Variants in SLC25A12 observed in about 807,000 individuals in gnomAD.
SLC25A12 encodes solute carrier family 25 member 12.
A neutral mutation model predicts 83.3 loss-of-function variants in SLC25A12; 32 were observed. That is an observed-to-expected ratio of 0.38 (90% CI 0.29 to 0.52). The LOEUF is 0.52. Among genes scored for constraint, SLC25A12 ranks in the 20% least tolerant of loss-of-function variants. The pLI, the probability that SLC25A12 is intolerant of heterozygous loss-of-function variation, is 0.84. For synonymous variants in SLC25A12, 267 were observed against 291.1 expected, an observed-to-expected ratio of 0.92 and a Z score of 0.84; for missense variants, 611 against 835.6, an observed-to-expected ratio of 0.73 and a Z score of 3.31.
Position 171,787,884 on chromosome 2 carries a change from G to A in SLC25A12, c.1649C>T (p.Ala550Val). The A allele has an allele frequency of 6.2e-7, 1 of 1,614,204 alleles. No homozygotes were observed. ...DVIKTRLQVA[A>V]RAGQTTYSGV... ...ACTGTATGTCGTCTGGCCAGCGCGG[G>A]CAGCCACCTGCAGTCTTGTCTTGAT... Residue 550 changes from alanine to valine, a missense_variant, in exon 16 of 18, where the codon GCC (alanine) becomes GTC (valine). This residue lies in a region of SLC25A12 where 540 missense variants were observed against 777.5 expected (regional missense o/e 0.69). Coordinates refer to ENST00000422440, the MANE Select transcript of SLC25A12 (RefSeq NM_003705.5).
intron 3 of SLC25A12, among the ~76,000 whole-genome samples, chr2:171,865,159 C>A (rs776043002): frequency 6.6e-6 from 1 of 152,058 alleles, no homozygotes; most frequent in Non-Finnish European, 1.5e-5. Flanking sequence ...GCATAGCAGG[C>A]ACTCAATACC....
At chr2:171,808,371 T>A (rs1283459168) in intron 13 of SLC25A12, among the ~76,000 whole-genome samples, 1 of 151,222 alleles carries the variant, frequency 6.6e-6, no homozygotes, top group Non-Finnish European at 1.5e-5. Flanking sequence ...TAAGTAAATA[T>A]CTGAGTCTCT....
At chr2:171,879,773 T>G (rs918211184) in intron 2 of SLC25A12, among the ~76,000 whole-genome samples, 2 of 152,184 alleles carry the variant, frequency 1.3e-5, no homozygotes, top group African/African-American at 2.4e-5. Context: ...TGGAATGCCT[T>G]AATGTTGATA....
chr2:171,845,499 C>T (rs1421747020), intron 4 of SLC25A12, among the ~76,000 whole-genome samples: 4 of 152,096 alleles, frequency 2.6e-5, no homozygotes, highest in Non-Finnish European at 5.9e-5. Context: ...GTTTTGCCAT[C>T]GATAGCTATC....
chr2:171,818,294 A>G (rs1380569094), intron 9 of SLC25A12, among the ~76,000 whole-genome samples: 1 of 152,120 alleles, frequency 6.6e-6, no homozygotes, highest in African/African-American at 2.4e-5. Context: ...CCTTAAGGTT[A>G]TGATTATGGT....
At chr2:171,844,788 C>T (rs1478478073) in intron 4 of SLC25A12, among the ~76,000 whole-genome samples, 1 of 152,126 alleles carries the variant, frequency 6.6e-6, no homozygotes, top group African/African-American at 2.4e-5. Flanking sequence ...TGATTTCTAT[C>T]TTACATCATA....
At chr2:171,812,503 C>T (rs1482372597) in intron 11 of SLC25A12, among the ~76,000 whole-genome samples, 1 of 152,028 alleles carries the variant, frequency 6.6e-6, no homozygotes, top group Admixed American at 6.6e-5. Context: ...TCCCAAGTGG[C>T]GCCCAAAGAG....
intron 13 of SLC25A12, among the ~76,000 whole-genome samples, chr2:171,799,110 G>A (rs1439093002): frequency 6.6e-6 from 1 of 152,154 alleles, no homozygotes; most frequent in Admixed American, 6.5e-5. Flanking sequence ...TGGAAGCAGA[G>A]AGCAAGCCCT....
At chr2:171,824,994 A>G (rs1420787032) in intron 9 of SLC25A12, among the ~76,000 whole-genome samples, 1 of 151,638 alleles carries the variant, frequency 6.6e-6, no homozygotes, top group Non-Finnish European at 1.5e-5. Context: ...TTTTTTGTAG[A>G]GATGGGGTTT....
At chr2:171,789,780 A>C (rs944334359) in intron 15 of SLC25A12, among the ~76,000 whole-genome samples, 1 of 151,970 alleles carries the variant, frequency 6.6e-6, no homozygotes, top group Admixed American at 6.6e-5. Flanking sequence ...TGTAGTCCCA[A>C]CTACTTGGGA....
At chr2:171,803,836 C>T (rs964656905) in intron 13 of SLC25A12, among the ~76,000 whole-genome samples, 11 of 150,586 alleles carry the variant, frequency 7.3e-5, no homozygotes, top group African/African-American at 1.5e-4. Flanking sequence ...CACACACGCG[C>T]GCACACACAT....
intron 9 of SLC25A12, among the ~76,000 whole-genome samples, chr2:171,821,663 A>T (rs1684196847): frequency 6.6e-6 from 1 of 152,008 alleles, no homozygotes; most frequent in Non-Finnish European, 1.5e-5. Context: ...TATTTAGCCA[A>T]TTTTTCTATT....
intron 9 of SLC25A12, among the ~76,000 whole-genome samples, chr2:171,821,651 G>A (rs1684196552): frequency 6.6e-6 from 1 of 151,946 alleles, no homozygotes; most frequent in Non-Finnish European, 1.5e-5. Flanking sequence ...TTTCTGTTCA[G>A]GTATTTAGCC....
intron 3 of SLC25A12, among the ~76,000 whole-genome samples, chr2:171,859,745 G>A (rs538906297): frequency 2.6e-5 from 4 of 151,534 alleles, no homozygotes; most frequent in East Asian, 2.0e-4. Context: ...TGATAAAAAC[G>A]TTCTGCAAAT....
intron 3 of SLC25A12, among the ~76,000 whole-genome samples, chr2:171,863,856 G>A (rs753526837): frequency 1.3e-5 from 2 of 152,150 alleles, no homozygotes; most frequent in African/African-American, 4.8e-5. Context: ...ATGATCCACA[G>A]TGATTTATCA....
At chr2:171,813,577 A>C in intron 10 of SLC25A12, 80 bp from the exon 11 acceptor site, 1 of 1,430,198 alleles carries the variant, frequency 7.0e-7, no homozygotes, top group Admixed American at 1.7e-5. Flanking sequence ...TCTTATCTTA[A>C]AGGATGAGAA....
chr2:171,847,170 T>A (rs948878094), intron 4 of SLC25A12, among the ~76,000 whole-genome samples: 3 of 152,196 alleles, frequency 2.0e-5, no homozygotes, highest in Admixed American at 6.5e-5. Context: ...TGGACTACTA[T>A]AATTACTAGA....
chr2:171,789,524 G>A (rs941835265), intron 15 of SLC25A12, among the ~76,000 whole-genome samples: 1 of 152,188 alleles, frequency 6.6e-6, no homozygotes, highest in East Asian at 1.9e-4. Flanking sequence ...CACCAAGCTC[G>A]GCCTCAGCCT....
chr2:171,874,081 A>G (rs2105921944), intron 2 of SLC25A12, among the ~76,000 whole-genome samples: 1 of 152,016 alleles, frequency 6.6e-6, no homozygotes, highest in East Asian at 1.9e-4. Flanking sequence ...ACAAAATTAG[A>G]CGGGTGTGGT....
Sources: gnomAD v4.1 joint callset for allele counts (sites outside exome capture counted in the v4.1 genomes callset) on GRCh38, gnomAD v4.1.1 for gene constraint, gnomAD v4.1.1 regional missense constraint, MANE v1.5 for transcripts, NCBI Gene and HGNC (gene_info 2026-07-23, HGNC 2026-07-21) for gene names.